Variants in COMMD6 observed in about 807,000 individuals in gnomAD.
COMMD6 encodes COMM domain containing 6.
In COMMD6, 11 loss-of-function variants were observed where a neutral mutation model predicts 13.4. The observed-to-expected ratio is 0.82, with a 90% CI of 0.52 to 1.36. COMMD6 has a LOEUF of 1.36. Among genes scored for constraint, COMMD6 ranks in the 40% most tolerant of loss-of-function variants. COMMD6 has a pLI of 0.00. For synonymous variants in COMMD6, 43 were observed against 36.5 expected (o/e 1.18, Z -0.64); for missense variants, 124 against 102.4 (o/e 1.21, Z -0.91).
chr13:75,546,528 G>A (rs188234883), intron 1 of COMMD6, among the ~76,000 whole-genome samples: 1 of 152,298 alleles, frequency 6.6e-6, no homozygotes, highest in African/African-American at 2.4e-5. Context: ...AAAACTTCCT[G>A]CTTGTCTTTG....
At chr13:75,539,617 T>A (rs1252099971), upstream of COMMD6, among the ~76,000 whole-genome samples, 3 of 152,204 alleles carry the variant, frequency 2.0e-5, no homozygotes, top group Non-Finnish European at 4.4e-5. Context: ...CCTAAATTAG[T>A]GTTTCAATGA....
In COMMD6 at chr13:75,526,649, A is replaced by T; in HGVS notation, c.208-10T>A. ...ACTGTCTGTAGAAATTCTGGAGAGA[A>T]AGGGGGAAAATAATATTAATTTTGC... On this transcript the variant is annotated splice_polypyrimidine_tract_variant and intron_variant, in intron 3 of 3. Coordinates refer to ENST00000682242, the MANE Select transcript of COMMD6 (RefSeq NM_203495.4). The T allele has an allele frequency of 6.3e-7, 1 of 1,586,266 alleles. No individual in the cohort carries two copies. Among genetic ancestry groups the T allele is most frequent in the Non-Finnish European group, 8.6e-7 (1 of 1,158,790 alleles).
Position 75,537,689 on chromosome 13 carries a change from A to G in COMMD6, c.43-14T>C, listed in dbSNP as rs1334304095. ...CTGGTTGGTGACCTGAAACGGAAGCAGAAACACAATTTAGAGAAACATCTT... is the reference window on the plus strand; with the variant it reads ...CTGGTTGGTGACCTGAAACGGAAGCGGAAACACAATTTAGAGAAACATCTT... On this transcript the variant is annotated splice_polypyrimidine_tract_variant and intron_variant, in intron 1 of 3. Coordinates refer to ENST00000682242, the MANE Select transcript of COMMD6 (RefSeq NM_203495.4). 6.2e-7 allele frequency: 1 copy of G among 1,613,940 alleles called. No homozygotes were observed. The highest frequency in any genetic ancestry group is 8.5e-7 in the Non-Finnish European group (1 of 1,179,926).
intron 1 of COMMD6, among the ~76,000 whole-genome samples, chr13:75,546,344 T>G (rs2030904617): frequency 6.6e-6 from 1 of 152,152 alleles, no homozygotes; most frequent in African/African-American, 2.4e-5. Flanking sequence ...AATTTACAAT[T>G]CCTAAAAAAG....
upstream of COMMD6, among the ~76,000 whole-genome samples, chr13:75,540,972 T>G (rs2030818033): frequency 6.6e-6 from 1 of 152,182 alleles, no homozygotes; most frequent in African/African-American, 2.4e-5. Flanking sequence ...AGATATGCAG[T>G]TGTCCCTCAG....
rs779601806 is a variant in COMMD6, at chr13:75,537,798, G to C, written c.8C>G (p.Ala3Gly). 5 of 1,606,180 alleles carry C rather than the reference G, an allele frequency of 3.1e-6. No homozygotes were observed. Among genetic ancestry groups the C allele is most frequent in the Non-Finnish European group, 3.4e-6 (4 of 1,174,726 alleles). ME[A>G]SSEPPLDAKS... ...AGCATCCAGCGGCGGCTCGCTGGAC[G>C]CCTCCATGGGCAGCGTCTGGGACTT... The change falls in exon 1 of 4, where the codon GCG (alanine) becomes GGG (glycine). Residue 3 changes from alanine (A) to glycine (G), a missense_variant. Coordinates refer to ENST00000682242, the MANE Select transcript of COMMD6 (RefSeq NM_203495.4).
intron 2 of COMMD6, 178 bp downstream of exon 2, chr13:75,537,486 T>C (rs564729988): frequency 1.9e-6 from 3 of 1,553,918 alleles, no homozygotes; most frequent in East Asian, 2.4e-5. Flanking sequence ...TTCATTACAA[T>C]GGCAACGGCT....
Position 75,537,792 on chromosome 13 carries a change from C to T in COMMD6, c.14G>A (p.Ser5Asn), listed in dbSNP as rs2030732775. The change falls in exon 1 of 4, where the codon AGC becomes AAC. Residue 5 changes from serine to asparagine, a missense_variant. By Grantham distance (46) the Ser-to-Asn change is conservative (BLOSUM62 1). Coordinates refer to ENST00000682242, the MANE Select transcript of COMMD6 (RefSeq NM_203495.4). ...GGACTTAGCATCCAGCGGCGGCTCG[C>T]TGGACGCCTCCATGGGCAGCGTCTG... MEAS[S>N]EPPLDAKSDV... 1 of 1,610,368 alleles carries T rather than the reference C, an allele frequency of 6.2e-7. No homozygotes were observed.
In COMMD6 at chr13:75,525,776, G is replaced by A. The variant is rs2138405332; in HGVS notation, c.*813C>T. ...AATTTCTAATATGGCGGACCAGAAT[G>A]TCTTGATCTATTTCTAGGCCATCTA... On this transcript the variant is annotated 3_prime_UTR_variant, in exon 4 of 4. Coordinates refer to ENST00000682242, the MANE Select transcript of COMMD6 (RefSeq NM_203495.4). 6.6e-6 allele frequency: 1 copy of A among 152,352 alleles called. No individual in the cohort carries two copies. The highest frequency in any genetic ancestry group is 1.5e-5 in the Non-Finnish European group (1 of 68,040). The allele number at this position is 152,352 out of a possible 1,614,324, so 9.4% of individuals were successfully genotyped here.
chr13:75,527,217 C>A (rs965483911), intron 3 of COMMD6, among the ~76,000 whole-genome samples: 4 of 152,150 alleles, frequency 2.6e-5, no homozygotes, highest in African/African-American at 9.6e-5. Context: ...CCTGTACCTA[C>A]CCCAGGAAGC....
chr13:75,539,059 A>G (rs115353634), upstream of COMMD6, among the ~76,000 whole-genome samples: 1,414 of 152,246 alleles, frequency 9.3e-3, 21 homozygotes, highest in African/African-American at 0.031. Context: ...AAAGCCAGGA[A>G]GGGCAGGTCA....
upstream of COMMD6, among the ~76,000 whole-genome samples, chr13:75,540,747 A>G (rs1400745620): frequency 1.3e-5 from 2 of 152,258 alleles, no homozygotes; most frequent in African/African-American, 2.4e-5. Context: ...TTATTTTTAC[A>G]TAATGACATA....
rs950710863 is a variant in COMMD6 at position 75,537,836 on chromosome 13, C to T, written c.-31G>A. 1 of 1,573,086 alleles carries T rather than the reference C, an allele frequency of 6.4e-7. No individual in the cohort carries two copies. Among genetic ancestry groups the T allele is most frequent in the Admixed American group, 1.8e-5 (1 of 55,820 alleles). On this transcript the variant is annotated 5_prime_UTR_variant, in exon 1 of 4. Transcript: ENST00000682242. ...GCGTCTGGGACTTGCGGCCCGGACTCGAGAGAACGCCCCCAGACCAGCGCT... is the reference window on the plus strand; with the variant it reads ...GCGTCTGGGACTTGCGGCCCGGACTTGAGAGAACGCCCCCAGACCAGCGCT...
chr13:75,546,035 T>C (rs1407029455), intron 1 of COMMD6, among the ~76,000 whole-genome samples: 1 of 152,220 alleles, frequency 6.6e-6, no homozygotes, highest in Non-Finnish European at 1.5e-5. Context: ...AGGGGATGGA[T>C]ACCCCATTCT....
At chr13:75,545,541 C>T (rs924632684) in intron 1 of COMMD6, among the ~76,000 whole-genome samples, 1 of 151,646 alleles carries the variant, frequency 6.6e-6, no homozygotes, top group Non-Finnish European at 1.5e-5. Context: ...GGCGCTATCT[C>T]TGCTCACTGC....
chr13:75,530,184 A>G lies in COMMD6; in HGVS notation c.137T>C (p.Met46Thr), dbSNP rs1433674438. Reference protein sequence around the residue: ...RSLKYPYVAVMLKVADHSGQV... With the variant: ...RSLKYPYVAVTLKVADHSGQV... ...GCCTGAATGATCTGCCACTTTTAGCATCACTGCAACGTAAGGATACTTAAG... is the reference window on the plus strand; with the variant it reads ...GCCTGAATGATCTGCCACTTTTAGCGTCACTGCAACGTAAGGATACTTAAG... The change falls in exon 3 of 4, where the codon ATG becomes ACG. Residue 46 changes from methionine (M) to threonine (T), a missense_variant. Physicochemically the swap from Met to Thr is moderately conservative, Grantham distance 81 (BLOSUM62 -1). Transcript: ENST00000682242. 1.2e-6 allele frequency: 2 copies of G among 1,613,538 alleles called. No individual in the cohort carries two copies.
intron 1 of COMMD6, among the ~76,000 whole-genome samples, chr13:75,547,197 A>C (rs1462369301): frequency 6.6e-6 from 1 of 152,092 alleles, no homozygotes; most frequent in Non-Finnish European, 1.5e-5. Context: ...TCACTGACAA[A>C]AATCTCAAAA....
intron 1 of COMMD6, among the ~76,000 whole-genome samples, chr13:75,547,506 A>G (rs1352376024): frequency 2.0e-5 from 3 of 152,244 alleles, no homozygotes; most frequent in African/African-American, 7.2e-5. Context: ...GAAGATTAAA[A>G]AATTAGAACC....
chr13:75,538,229 G>T (rs149140190), upstream of COMMD6, among the ~76,000 whole-genome samples: 117 of 152,354 alleles, frequency 7.7e-4, no homozygotes, highest in African/African-American at 2.7e-3. Context: ...AGGGAAGGCT[G>T]TGGGAACCAC....
Sources: allele counts gnomAD v4.1 joint callset (sites outside exome capture counted in the v4.1 genomes callset), GRCh38; gene constraint gnomAD v4.1.1; transcripts MANE v1.5; gene names NCBI Gene and HGNC (gene_info 2026-07-23, HGNC 2026-07-21).